APPL2: variants seen among roughly 807,000 people sequenced by gnomAD.
APPL2 encodes DCC-interacting protein 13-beta.
Under a neutral mutation model 92.7 loss-of-function variants are expected in APPL2, and 84 were observed. The ratio of observed to expected loss-of-function variants is 0.91; its 90% CI spans 0.76 to 1.09. The LOEUF (loss-of-function observed/expected upper bound fraction) is 1.09. APPL2 is among the 50% of genes least tolerant of loss of function. APPL2 has a pLI of 0.00. For synonymous variants in APPL2, 291 were observed against 291.0 expected, an observed-to-expected ratio of 1.00 and a Z score of 0.00; for missense variants, 736 against 824.5, an observed-to-expected ratio of 0.89 and a Z score of 1.31.
chr12:105,193,273 A>G (rs1265303177), intron 14 of APPL2, among the ~76,000 whole-genome samples: 3 of 152,188 alleles, frequency 2.0e-5, no homozygotes, highest in Non-Finnish European at 4.4e-5. Context: ...CACACCTTCT[A>G]ATTCCAAACC....
intron 2 of APPL2, among the ~76,000 whole-genome samples, chr12:105,222,139 T>C (rs1004825436): frequency 2.0e-5 from 3 of 152,090 alleles, no homozygotes; most frequent in Non-Finnish European, 4.4e-5. Flanking sequence ...GTGAGGGGTG[T>C]GGCAAGAACG....
intron 4 of APPL2, among the ~76,000 whole-genome samples, chr12:105,214,558 A>G (rs1349663560): frequency 6.6e-6 from 1 of 152,260 alleles, no homozygotes; most frequent in Non-Finnish European, 1.5e-5. Flanking sequence ...ATGATATAAT[A>G]AAAAATATGT....
intron 1 of APPL2, 132 bp from the exon 2 acceptor site, chr12:105,229,355 C>T: frequency 2.2e-6 from 2 of 926,126 alleles, no homozygotes; most frequent in Non-Finnish European, 3.2e-6. Flanking sequence ...GGTTCCCTGG[C>T]TTCTTTTATT....
At position 105,203,739 on chromosome 12, in the gene APPL2, T is replaced by C; in HGVS notation, c.668A>G (p.Asp223Gly). The change falls in exon 9 of 21, where the codon GAC (aspartate) becomes GGC (glycine). Residue 223 changes from aspartate to glycine, a missense_variant. Asp to Gly is a moderately conservative substitution (Grantham distance 94). Coordinates refer to ENST00000258530, the MANE Select transcript of APPL2 (RefSeq NM_018171.5). ...GTCTGCAACGGAGGATAAAAAGCTG[T>C]CCATACGTTTGGAAAACATCTCTGC... The part of the protein sequence containing the change: ...KGAEMFSKRM[D>G]SFLSSVADMV... The C allele has an allele frequency of 2.5e-6, 4 of 1,614,216 alleles. No homozygotes were observed. The highest frequency in any genetic ancestry group is 3.4e-6 in the Non-Finnish European group (4 of 1,180,032).
intron 1 of APPL2, among the ~76,000 whole-genome samples, chr12:105,234,671 T>C (rs147485085): frequency 1.4e-4 from 22 of 152,344 alleles, no homozygotes; most frequent in Admixed American, 1.3e-3. Flanking sequence ...TTCAAAGTGA[T>C]CATTTAAAAT....
intron 2 of APPL2, among the ~76,000 whole-genome samples, chr12:105,218,094 T>A (rs1289664185): frequency 6.6e-6 from 1 of 151,064 alleles, no homozygotes; most frequent in African/African-American, 2.4e-5. Context: ...GGTGACAGAG[T>A]GAGACCTTGT....
chr12:105,187,028 G>T (rs1886794613), intron 17 of APPL2, among the ~76,000 whole-genome samples: 2 of 151,950 alleles, frequency 1.3e-5, no homozygotes, highest in South Asian at 4.2e-4. Flanking sequence ...CCATTCTGTA[G>T]TTTTTCTTTT....
At chr12:105,202,987 T>G (rs1888343987) in intron 9 of APPL2, among the ~76,000 whole-genome samples, 1 of 150,272 alleles carries the variant, frequency 6.7e-6, no homozygotes, top group African/African-American at 2.4e-5. Flanking sequence ...TATTCATTAT[T>G]TCCATTTTGT....
chr12:105,188,418 G>A lies in APPL2; in HGVS notation c.1489C>T (p.Arg497Trp), dbSNP rs536236110. ...DSLLQQMFIVRFLGSMAVKTD... is the reference protein window; with the variant it reads ...DSLLQQMFIVWFLGSMAVKTD... ...TTAACTGCCATTGATCCCAAAAACCGAACTATAAACATCTGCTGCAAAAGA... is the reference window on the plus strand; with the variant it reads ...TTAACTGCCATTGATCCCAAAAACCAAACTATAAACATCTGCTGCAAAAGA... Residue 497 changes from arginine to tryptophan, a missense_variant, in exon 17 of 21, where the codon CGG becomes TGG. Arg to Trp is a moderately radical substitution (Grantham distance 101). Transcript: ENST00000258530. 52 of 1,613,992 alleles carry A rather than the reference G, an allele frequency of 3.2e-5. No homozygotes were observed. The Admixed American group carries it at 4.3e-4, about 13-fold the overall frequency.
chr12:105,217,800 A>T, intron 2 of APPL2, 75 bp from the exon 3 acceptor site: 1 of 1,419,860 alleles, frequency 7.0e-7, no homozygotes, highest in Non-Finnish European at 9.9e-7. Flanking sequence ...CATCTCTGAG[A>T]ATCCCTTAAA....
intron 9 of APPL2, 99 bp from the exon 10 acceptor site, chr12:105,199,630 G>GGCCTTAC (rs1485077842): frequency 1.5e-6 from 2 of 1,341,224 alleles, no homozygotes; most frequent in African/African-American, 2.9e-5. Context: ...CAAAGCTTCC[G>GGCCTTAC]GCCTTACAGA....
chr12:105,184,669 C>T (rs952392491), intron 17 of APPL2, among the ~76,000 whole-genome samples: 1 of 152,232 alleles, frequency 6.6e-6, no homozygotes, highest in African/African-American at 2.4e-5. Flanking sequence ...AGCTGGAACT[C>T]TCCTGTATGA....
At chr12:105,184,352 G>C (rs1255944566) in intron 17 of APPL2, among the ~76,000 whole-genome samples, 1 of 152,182 alleles carries the variant, frequency 6.6e-6, no homozygotes, top group African/African-American at 2.4e-5. Context: ...CTGGTTTTTG[G>C]AATTTTCAGC....
intron 17 of APPL2, among the ~76,000 whole-genome samples, chr12:105,180,435 CTTAGGA>C (rs1473312888): frequency 6.6e-6 from 1 of 152,110 alleles, no homozygotes; most frequent in African/African-American, 2.4e-5. Context: ...GTTCCTTTTG[CTTAGGA>C]TTATCTGGGC....
intron 19 of APPL2, chr12:105,176,382 A>G (rs956134203): frequency 1.1e-5 from 6 of 533,422 alleles, no homozygotes; most frequent in Admixed American, 8.1e-5. Context: ...TTTAGCCACG[A>G]TATGTCCATA....
intron 4 of APPL2, among the ~76,000 whole-genome samples, chr12:105,215,596 A>C (rs1889618885): frequency 6.6e-6 from 1 of 152,232 alleles, no homozygotes; most frequent in African/African-American, 2.4e-5. Flanking sequence ...AAATGCAATC[A>C]GTACAGTTTT....
rs1885636408 is a variant in APPL2 at position 105,177,236 on chromosome 12, G to A, written c.1661C>T (p.Ser554Leu). Residue 554 changes from serine (S) to leucine (L), a missense_variant, in exon 18 of 21, where the codon TCA becomes TTA. Ser to Leu is a moderately radical substitution (Grantham distance 145). Transcript: ENST00000258530. The stretch of plus-strand genomic sequence containing the variant: ...GTATGCGGTACTTACATTGGCCCTT[G>A]ATACTTGAGTCTGTGGATCTATCAA... ...LRLIDPQTQVSRANFELTSVT... is the reference protein window; with the variant it reads ...LRLIDPQTQVLRANFELTSVT... 2 of 1,613,914 alleles carry A rather than the reference G, an allele frequency of 1.2e-6. No homozygotes were observed. Among genetic ancestry groups the A allele is most frequent in the Non-Finnish European group, 1.7e-6 (2 of 1,179,838 alleles).
At chr12:105,210,934 G>A (rs12318799) in intron 5 of APPL2, among the ~76,000 whole-genome samples, 7,236 of 152,152 alleles carry the variant, frequency 0.048, 175 homozygotes, top group African/African-American at 0.064. Flanking sequence ...TCAGGAAGCC[G>A]TCCCTAGCAC....
intron 9 of APPL2, among the ~76,000 whole-genome samples, chr12:105,200,459 G>C (rs1003116755): frequency 6.6e-6 from 1 of 152,240 alleles, no homozygotes; most frequent in African/African-American, 2.4e-5. Flanking sequence ...CCCACACAGG[G>C]GTAAGTGGGC....
Sources: allele counts gnomAD v4.1 joint callset (sites outside exome capture counted in the v4.1 genomes callset), GRCh38; gene constraint gnomAD v4.1.1; transcripts MANE v1.5; gene names NCBI Gene and HGNC (gene_info 2026-07-23, HGNC 2026-07-21).